Variants in PIK3C3 observed in about 807,000 individuals in gnomAD.
PIK3C3 encodes the protein PI3-kinase type 3.
Under a neutral mutation model 126.1 loss-of-function variants are expected in PIK3C3, and 95 were observed. The ratio of observed to expected loss-of-function variants is 0.75; its 90% CI spans 0.64 to 0.89. The LOEUF (loss-of-function observed/expected upper bound fraction) is 0.89. Among genes scored for constraint, PIK3C3 ranks in the 40% least tolerant of loss-of-function variants. The probability of loss-of-function intolerance (pLI) is 0.00; values close to 1 mark genes in which losing one functional copy is unlikely to be tolerated. For missense variants in PIK3C3, 829 were observed against 1,063.2 expected, an observed-to-expected ratio of 0.78 and a Z score of 3.06; for synonymous variants, 374 against 360.0, an observed-to-expected ratio of 1.04 and a Z score of -0.44.
intron 23 of PIK3C3, among the ~76,000 whole-genome samples, chr18:42,066,695 T>TTA (rs1168279419): frequency 2.6e-5 from 4 of 152,218 alleles, no homozygotes; most frequent in Admixed American, 1.3e-4. Flanking sequence ...ACATTGACTT[T>TTA]TATATATATA....
chr18:42,055,361 C>G (rs777545301), intron 21 of PIK3C3, among the ~76,000 whole-genome samples: 1 of 151,934 alleles, frequency 6.6e-6, no homozygotes, highest in Non-Finnish European at 1.5e-5. Context: ...TACTGCTAAC[C>G]AAGTATATTG....
chr18:41,995,742 T>C, intron 7 of PIK3C3, 148 bp from the exon 8 acceptor site: 1 of 621,734 alleles, frequency 1.6e-6, no homozygotes, highest in South Asian at 2.1e-5. Context: ...TACATATTTT[T>C]AAGATATGTA....
At position 41,987,391 on chromosome 18, in the gene PIK3C3, A is replaced by G. The variant is rs576131117; in HGVS notation, c.532-421A>G. Among the ~76,000 whole-genome samples the G allele has an allele frequency of 1.3e-4, 20 of 152,188 alleles. 1 individual carries two copies. In the South Asian group the frequency reaches 4.1e-3, roughly 32 times the overall value. ...GAGTATTAATGTGCAAACCCAGAAA[A>G]ATACCTTATTACCTGTAACTGTCAT... On this transcript the variant is annotated intron_variant, in intron 4 of 24. Coordinates refer to ENST00000262039, the MANE Select transcript of PIK3C3 (RefSeq NM_002647.4).
At chr18:42,066,888 A>G (rs1005336844) in intron 23 of PIK3C3, among the ~76,000 whole-genome samples, 2 of 152,130 alleles carry the variant, frequency 1.3e-5, no homozygotes, top group African/African-American at 4.8e-5. Context: ...AGAAGATCAC[A>G]TTTAGTTTGT....
In PIK3C3 at chr18:41,987,864, G is replaced by C; in HGVS notation, c.584G>C (p.Arg195Thr). Residue 195 changes from arginine to threonine, a missense_variant, in exon 5 of 25, where the codon AGA (arginine) becomes ACA (threonine). Physicochemically the swap from Arg to Thr is moderately conservative, Grantham distance 71. Transcript: ENST00000262039. ...GHMVKVDWLDRLTFREIEMIN... is the reference protein window; with the variant it reads ...GHMVKVDWLDTLTFREIEMIN... The stretch of plus-strand genomic sequence containing the variant: ...ATGGTGAAAGTAGATTGGCTGGATA[G>C]ATTGACATTTAGAGAAATAGAAATG... The C allele has an allele frequency of 6.2e-7, 1 of 1,603,484 alleles. No homozygotes were observed. Among genetic ancestry groups the C allele is most frequent in the Non-Finnish European group, 8.5e-7 (1 of 1,173,416 alleles).
intron 9 of PIK3C3, among the ~76,000 whole-genome samples, chr18:41,999,857 C>T (rs1401070928): frequency 6.6e-6 from 1 of 151,928 alleles, no homozygotes; most frequent in Non-Finnish European, 1.5e-5. Flanking sequence ...ATTTGGTGGT[C>T]ATTTTTTTAT....
At chr18:42,035,101 T>A (rs1405417291) in intron 16 of PIK3C3, among the ~76,000 whole-genome samples, 1 of 152,190 alleles carries the variant, frequency 6.6e-6, no homozygotes, top group African/African-American at 2.4e-5. Flanking sequence ...AACCTGCAAG[T>A]TAAAAATACT....
At position 42,049,547 on chromosome 18, in the gene PIK3C3, C is replaced by G; in HGVS notation, c.2205C>G (p.Ile735Met). Reference protein sequence around the residue: ...YVKSCAGYCVITYILGVGDRH... With the variant: ...YVKSCAGYCVMTYILGVGDRH... The stretch of plus-strand genomic sequence containing the variant: ...TTACTGCAGCTGGATATTGCGTGAT[C>G]ACCTATATACTTGGAGTTGGAGACA... The change falls in exon 21 of 25, where the codon ATC (isoleucine) becomes ATG (methionine). Residue 735 changes from isoleucine (I) to methionine (M), a missense_variant. This residue lies in a region of PIK3C3 where 196 missense variants were observed against 312.8 expected (regional missense o/e 0.63). Transcript: ENST00000262039. 1 of 1,612,436 alleles carries G rather than the reference C, an allele frequency of 6.2e-7. No individual in the cohort carries two copies. The highest frequency in any genetic ancestry group is 8.5e-7 in the Non-Finnish European group (1 of 1,178,930).
At chr18:42,037,970 T>G in intron 17 of PIK3C3, 150 bp downstream of exon 17, 1 of 640,038 alleles carries the variant, frequency 1.6e-6, no homozygotes, top group East Asian at 2.5e-5. Flanking sequence ...TTGAAAAAAT[T>G]TAGTTGCTTT....
intron 13 of PIK3C3, chr18:42,027,162 A>G (rs992938599): frequency 9.2e-5 from 19 of 206,872 alleles, no homozygotes; most frequent in Non-Finnish European, 1.6e-4. Context: ...TCTACCTCAT[A>G]AATAGGAGAA....
intron 6 of PIK3C3, 29 bp downstream of exon 6, chr18:41,990,583 C>G (rs766853263): frequency 8.3e-7 from 1 of 1,203,712 alleles, no homozygotes; most frequent in Non-Finnish European, 1.2e-6. Context: ...TTTTTGGTCT[C>G]TAAAGTAGAG....
intron 12 of PIK3C3, among the ~76,000 whole-genome samples, chr18:42,019,445 G>A (rs2144415761): frequency 6.6e-6 from 1 of 152,100 alleles, no homozygotes; most frequent in Non-Finnish European, 1.5e-5. Context: ...AATACTTTTG[G>A]TTGCACATTC....
intron 4 of PIK3C3, among the ~76,000 whole-genome samples, chr18:41,973,476 T>C (rs1037283235): frequency 6.6e-6 from 1 of 152,116 alleles, no homozygotes; most frequent in Non-Finnish European, 1.5e-5. Flanking sequence ...TTTACTAACT[T>C]ACCGGAGAGA....
intron 15 of PIK3C3, among the ~76,000 whole-genome samples, chr18:42,032,581 G>C (rs1397643010): frequency 4.0e-5 from 6 of 151,836 alleles, no homozygotes; most frequent in African/African-American, 1.5e-4. Flanking sequence ...GTGGTAAGAA[G>C]TGGCTAGATT....
chr18:41,961,642 T>TA (rs1980091394), intron 2 of PIK3C3, among the ~76,000 whole-genome samples: 1 of 152,194 alleles, frequency 6.6e-6, no homozygotes, highest in East Asian at 1.9e-4. Context: ...TAATTTTGAG[T>TA]AAACAGAAAT....
intron 12 of PIK3C3, among the ~76,000 whole-genome samples, chr18:42,016,564 A>G (rs1446101004): frequency 6.6e-6 from 1 of 152,168 alleles, no homozygotes; most frequent in African/African-American, 2.4e-5. Context: ...AGCTCTTACA[A>G]GTTACTTGTT....
At chr18:42,074,920 A>G (rs1036659574) in intron 24 of PIK3C3, among the ~76,000 whole-genome samples, 12 of 152,074 alleles carry the variant, frequency 7.9e-5, no homozygotes, top group Admixed American at 7.9e-4. Context: ...TTAAGTACCT[A>G]CTCATACTTC....
chr18:42,010,391 A>G (rs556058344), intron 10 of PIK3C3, among the ~76,000 whole-genome samples: 60 of 152,144 alleles, frequency 3.9e-4, no homozygotes, highest in Non-Finnish European at 7.4e-4. Flanking sequence ...GTTGAGATGG[A>G]GTCTCCTTCT....
At chr18:41,975,183 G>C (rs1980853455) in intron 4 of PIK3C3, among the ~76,000 whole-genome samples, 1 of 152,164 alleles carries the variant, frequency 6.6e-6, no homozygotes, top group Non-Finnish European at 1.5e-5. Context: ...CTAGATCTCA[G>C]GTTTAAATAG....
Sources: allele counts gnomAD v4.1 joint callset (sites outside exome capture counted in the v4.1 genomes callset), GRCh38; gene constraint gnomAD v4.1.1; regional missense constraint gnomAD v4.1.1; transcripts MANE v1.5; gene names NCBI Gene and HGNC (gene_info 2026-07-23, HGNC 2026-07-21).